RNF150: variants seen among roughly 807,000 people sequenced by gnomAD.
The protein encoded by RNF150 is ring finger protein 150.
RNF150 carries 24 observed loss-of-function variants against 39.3 expected under a neutral mutation model. That is an observed-to-expected ratio of 0.61 (90% CI 0.44 to 0.86). The LOEUF (loss-of-function observed/expected upper bound fraction) is 0.86. Ranked by LOEUF, RNF150 falls within the 40% of genes least tolerant of loss-of-function variation. RNF150 has a pLI of 0.00. For missense variants in RNF150, 502 were observed against 587.8 expected (o/e 0.85, Z 1.51); for synonymous variants, 255 against 227.3 (o/e 1.12, Z -1.10).
chr4:141,194,838 C>T (rs1728171097), intron 1 of RNF150, among the ~76,000 whole-genome samples: 1 of 152,152 alleles, frequency 6.6e-6, no homozygotes, highest in African/African-American at 2.4e-5. Context: ...AATCCTAACT[C>T]TGCTACTTAC....
chr4:140,938,808 A>G (rs1731963179), intron 4 of RNF150, among the ~76,000 whole-genome samples: 1 of 152,162 alleles, frequency 6.6e-6, no homozygotes, highest in Non-Finnish European at 1.5e-5. Context: ...GAAAAATGCC[A>G]TCTGTCCTTG....
chr4:141,132,471 C>G lies in RNF150; in HGVS notation c.338G>C (p.Arg113Pro). ...GATGAGGGCTATCCAGTTCTTGCCG[C>G]GGGTCGGGGCGGCGAACTTGGTGTT... is the stretch of plus-strand genomic sequence containing the variant. Reference protein sequence around the residue: ...DPNTKFAAPTRGKNWIALIPK... With the variant: ...DPNTKFAAPTPGKNWIALIPK... Residue 113 changes from arginine (R) to proline (P), a missense_variant, in exon 1 of 7, where the codon CGC (arginine) becomes CCC (proline). By Grantham distance (103) the Arg-to-Pro change is moderately radical. Transcript: ENST00000515673. The surrounding 1 kb of genome is among the most constrained non-coding windows in gnomAD (Gnocchi z 4.9). 6.2e-7 allele frequency: 1 copy of G among 1,608,858 alleles called. No homozygotes were observed. The highest frequency in any genetic ancestry group is 2.2e-5 in the East Asian group (1 of 44,632).
chr4:141,191,904 T>A (rs968079681), intron 1 of RNF150, among the ~76,000 whole-genome samples: 1 of 127,558 alleles, frequency 7.8e-6, no homozygotes, highest in Non-Finnish European at 1.7e-5. Context: ...TGTGGCCTCA[T>A]CATTTTTCCT....
intron 1 of RNF150, among the ~76,000 whole-genome samples, chr4:141,183,921 G>T (rs1352069403): frequency 6.6e-6 from 1 of 152,104 alleles, no homozygotes; most frequent in Non-Finnish European, 1.5e-5. Flanking sequence ...TGGGCATTTG[G>T]GTTGGTTCCA....
At chr4:141,005,250 T>C (rs114863689) in intron 1 of RNF150, among the ~76,000 whole-genome samples, 1,587 of 152,242 alleles carry the variant, frequency 0.01, 17 homozygotes, top group Non-Finnish European at 0.014. Flanking sequence ...GAAATCCAAG[T>C]AGAGATACTG....
intron 1 of RNF150, among the ~76,000 whole-genome samples, chr4:141,188,328 GTGT>G (rs1489505688): frequency 5.3e-5 from 8 of 152,078 alleles, no homozygotes; most frequent in Admixed American, 3.9e-4. Context: ...ATGTGTCTTG[GTGT>G]TGTTCTTCTT....
chr4:140,928,617 G>A (rs1731490772), intron 4 of RNF150, among the ~76,000 whole-genome samples: 2 of 152,186 alleles, frequency 1.3e-5, no homozygotes, highest in Admixed American at 1.3e-4. Flanking sequence ...CAAGATCTCG[G>A]CTCACTGCAA....
In RNF150 at chr4:140,911,274, A is replaced by T. The variant is rs777829416; in HGVS notation, c.1068T>A (p.Gly356=). The part of the protein sequence containing the change: ...LGGPPTNQIT[G]ASDTTVNESS... ...TTTCATTCACTGTTGTGTCGCTGGC[A>T]CCTGTGATCTGGTTGGTGGGTGGAC... Residue 356 remains glycine, a synonymous_variant, in exon 6 of 7, where the codon GGT becomes GGA. Coordinates refer to ENST00000515673, the MANE Select transcript of RNF150 (RefSeq NM_020724.2). The T allele has an allele frequency of 1.9e-6, 3 of 1,614,100 alleles. No homozygotes were observed. Among genetic ancestry groups the T allele is most frequent in the Non-Finnish European group, 1.7e-6 (2 of 1,180,016 alleles).
At chr4:140,902,639 T>G (rs1302145747) in intron 6 of RNF150, among the ~76,000 whole-genome samples, 2 of 152,238 alleles carry the variant, frequency 1.3e-5, no homozygotes, top group Non-Finnish European at 2.9e-5. Flanking sequence ...TTGGCTTAAA[T>G]AACATGCTAT....
intron 1 of RNF150, among the ~76,000 whole-genome samples, chr4:141,122,728 C>T (rs1233220294): frequency 6.6e-6 from 1 of 152,120 alleles, no homozygotes; most frequent in Non-Finnish European, 1.5e-5. Flanking sequence ...GCTATAAAAA[C>T]ACACCGGCAA....
At chr4:141,097,971 T>G (rs997769048) in intron 1 of RNF150, among the ~76,000 whole-genome samples, 1 of 152,148 alleles carries the variant, frequency 6.6e-6, no homozygotes, top group Admixed American at 6.5e-5. Context: ...TTTACCCATC[T>G]CCTTCAGATG....
intron 1 of RNF150, among the ~76,000 whole-genome samples, chr4:141,101,427 G>A (rs986575979): frequency 1.3e-5 from 2 of 151,388 alleles, no homozygotes; most frequent in Non-Finnish European, 2.9e-5. Context: ...TTGTCCCATT[G>A]GAAGGTCTTC....
At chr4:141,202,999 G>A (rs1047398474) in intron 1 of RNF150, among the ~76,000 whole-genome samples, 5 of 149,902 alleles carry the variant, frequency 3.3e-5, no homozygotes, top group Non-Finnish European at 5.9e-5. Flanking sequence ...TTTCAATTTT[G>A]TTTTATGATA....
chr4:141,155,338 T>C (rs191141279), intron 1 of RNF150, among the ~76,000 whole-genome samples: 130 of 150,044 alleles, frequency 8.7e-4, no homozygotes, highest in African/African-American at 3.1e-3. Context: ...CCTCAGATGA[T>C]CCACCCGCCT....
At chr4:140,873,395 C>A (rs775853963) in intron 6 of RNF150, among the ~76,000 whole-genome samples, 6 of 152,126 alleles carry the variant, frequency 3.9e-5, no homozygotes, top group African/African-American at 7.2e-5. Flanking sequence ...AGCAGAAGAA[C>A]AGCAGAGGAA....
chr4:141,042,209 G>A (rs1456804857), intron 1 of RNF150, among the ~76,000 whole-genome samples: 1 of 152,032 alleles, frequency 6.6e-6, no homozygotes, highest in African/African-American at 2.4e-5. Flanking sequence ...ACTTAACAGT[G>A]TGTTAAAAGA....
chr4:141,117,269 G>A (rs925625741), intron 1 of RNF150, among the ~76,000 whole-genome samples: 8 of 152,114 alleles, frequency 5.3e-5, no homozygotes, highest in Non-Finnish European at 1.0e-4. Context: ...GCAACACAAA[G>A]AATTGCATTG....
chr4:141,208,160 G>T (rs13129840), intron 1 of RNF150, among the ~76,000 whole-genome samples: 33,658 of 152,142 alleles, frequency 0.22, 3,964 homozygotes, highest in South Asian at 0.32. Context: ...GCGGGAAGAA[G>T]AATAATGGCT....
chr4:141,138,747 A>ATCTTCTCTTCAC (rs1727067954), intron 1 of RNF150, among the ~76,000 whole-genome samples: 1 of 152,180 alleles, frequency 6.6e-6, no homozygotes, highest in Non-Finnish European at 1.5e-5. Flanking sequence ...CTGAGCCACA[A>ATCTTCTCTTCAC]TCTTCTCTTC....
Sources: allele counts gnomAD v4.1 joint callset (sites outside exome capture counted in the v4.1 genomes callset), GRCh38; gene constraint gnomAD v4.1.1; non-coding constraint Gnocchi (gnomAD v3.1); transcripts MANE v1.5; gene names NCBI Gene and HGNC (gene_info 2026-07-23, HGNC 2026-07-21).